Variants in RNF6 observed in about 807,000 individuals in gnomAD.
RNF6 encodes E3 ubiquitin-protein ligase RNF6.
Under a neutral mutation model 50.1 loss-of-function variants are expected in RNF6, and 21 were observed. The observed-to-expected ratio is 0.42, with a 90% confidence interval of 0.30 to 0.60. The LOEUF (loss-of-function observed/expected upper bound fraction) is 0.60, where lower values mean the gene tolerates loss of function less well. RNF6 is among the 20% of genes least tolerant of loss of function. RNF6 has a pLI of 0.20. For missense variants in RNF6, 698 were observed against 838.2 expected (o/e 0.83, Z 2.07); for synonymous variants, 255 against 291.8 (o/e 0.87, Z 1.29).
chr13:26,148,772 C>T (rs576630998), intron 5 of RNF6, among the ~76,000 whole-genome samples: 1 of 148,336 alleles, frequency 6.7e-6, no homozygotes, highest in Non-Finnish European at 1.5e-5. Context: ...GCTGGCAAAT[C>T]CCCAGATCTG....
chr13:26,165,079 C>T (rs965740145), intron 5 of RNF6, among the ~76,000 whole-genome samples: 2 of 152,138 alleles, frequency 1.3e-5, no homozygotes, highest in Admixed American at 1.3e-4. Context: ...AAAGTGGTTT[C>T]GTGAGCCAGG....
At chr13:26,149,383 T>C (rs1284551216) in intron 5 of RNF6, among the ~76,000 whole-genome samples, 1 of 152,008 alleles carries the variant, frequency 6.6e-6, no homozygotes, top group Non-Finnish European at 1.5e-5. Context: ...GTCAGGAGAT[T>C]GAGACCATCC....
At chr13:26,133,419 A>C (rs1249285635) in intron 5 of RNF6, among the ~76,000 whole-genome samples, 1 of 152,068 alleles carries the variant, frequency 6.6e-6, no homozygotes, top group Non-Finnish European at 1.5e-5. Flanking sequence ...TTTCTGGCCT[A>C]TTCTCTCTCT....
At chr13:26,148,680 T>A (rs1174696886) in intron 5 of RNF6, among the ~76,000 whole-genome samples, 2 of 95,212 alleles carry the variant, frequency 2.1e-5, no homozygotes, top group Non-Finnish European at 4.3e-5. Flanking sequence ...ATGAGGGAGA[T>A]ATATATGTGT....
At chr13:26,149,877 T>C (rs1871464025) in intron 5 of RNF6, among the ~76,000 whole-genome samples, 1 of 76,338 alleles carries the variant, frequency 1.3e-5, no homozygotes, top group Non-Finnish European at 2.7e-5. Flanking sequence ...TGTGTATATA[T>C]ATATATATAT....
chr13:26,175,447 C>A (rs539710423), intron 5 of RNF6, among the ~76,000 whole-genome samples: 3 of 152,236 alleles, frequency 2.0e-5, no homozygotes, highest in African/African-American at 4.8e-5. Flanking sequence ...CCCCCATGAC[C>A]CCAGGCACAC....
At chr13:26,220,449 C>T (rs1024409580) in intron 2 of RNF6, among the ~76,000 whole-genome samples, 6 of 152,184 alleles carry the variant, frequency 3.9e-5, no homozygotes, top group African/African-American at 9.6e-5. Flanking sequence ...TTAAGTGTCA[C>T]TCCTGAGAAG....
intron 5 of RNF6, among the ~76,000 whole-genome samples, chr13:26,180,950 C>T (rs1239127113): frequency 2.0e-5 from 3 of 152,208 alleles, no homozygotes; most frequent in African/African-American, 4.8e-5. Flanking sequence ...TTCCTGTAGT[C>T]GGAGATGTTC....
At position 26,137,070 on chromosome 13, in the gene RNF6, C is replaced by T. The variant is rs115523392; in HGVS notation, n.769-4619G>A. On this transcript the variant is annotated intron_variant and non_coding_transcript_variant, in intron 5 of 5. Transcript: ENST00000468480. ...AAGCTAAACAAAGCTACAGCTCCTTCGAAAATCCTCATTCCCAAAGATCCA... is the reference window on the plus strand; with the variant it reads ...AAGCTAAACAAAGCTACAGCTCCTTTGAAAATCCTCATTCCCAAAGATCCA... 8.2e-3 allele frequency among the ~76,000 whole-genome samples: 1,255 copies of T among 152,244 alleles called. 12 individuals carry two copies. The highest frequency in any genetic ancestry group is 0.028 in the African/African-American group (1,182 of 41,530).
Position 26,163,995 on chromosome 13 carries a change from G to A in RNF6, n.769-31544C>T, listed in dbSNP as rs9553757. Among the ~76,000 whole-genome samples, 8 of 152,242 alleles carry A rather than the reference G, an allele frequency of 5.3e-5. No individual in the cohort carries two copies. The East Asian group carries it at 1.5e-3, about 29-fold the overall frequency. ...TAGTATGAAAAGAGCTATAGTAGCT[G>A]TCACAAAAATAGGATACCCTAAATA... On this transcript the variant is annotated intron_variant and non_coding_transcript_variant, in intron 5 of 5. Coordinates refer to the RNF6 transcript ENST00000468480.
intron 1 of RNF6, 91 bp from the exon 2 acceptor site, chr13:26,221,421 C>G (rs971847367): frequency 2.6e-5 from 4 of 152,166 alleles, no homozygotes; most frequent in African/African-American, 4.8e-5. Context: ...GCTGCAAAGC[C>G]AAAGCAAATT....
At chr13:26,155,641 G>C (rs1871879285) in intron 5 of RNF6, among the ~76,000 whole-genome samples, 1 of 152,216 alleles carries the variant, frequency 6.6e-6, no homozygotes, top group African/African-American at 2.4e-5. Context: ...CACCGCTGCT[G>C]GACGGGCAAT....
intron 5 of RNF6, among the ~76,000 whole-genome samples, chr13:26,192,090 G>A (rs762672020): frequency 1.3e-5 from 2 of 152,192 alleles, no homozygotes; most frequent in Non-Finnish European, 2.9e-5. Flanking sequence ...AGAGATAGCC[G>A]GGGATGAGAT....
intron 5 of RNF6, among the ~76,000 whole-genome samples, chr13:26,159,260 G>A (rs980423875): frequency 1.1e-4 from 16 of 152,186 alleles, no homozygotes; most frequent in African/African-American, 2.9e-4. Flanking sequence ...ATAGAAGATC[G>A]AAATTAGATT....
At chr13:26,150,018 A>G (rs1216061886) in intron 5 of RNF6, among the ~76,000 whole-genome samples, 2 of 105,982 alleles carry the variant, frequency 1.9e-5, no homozygotes, top group Admixed American at 1.0e-4. Context: ...TATAATGTGT[A>G]TATATATATA....
intron 5 of RNF6, among the ~76,000 whole-genome samples, chr13:26,172,771 C>T (rs1208673980): frequency 6.6e-6 from 1 of 152,144 alleles, no homozygotes; most frequent in African/African-American, 2.4e-5. Flanking sequence ...TCTCGATCTC[C>T]TGACCTCGTG....
exon 6 of RNF6, chr13:26,132,450 G>A (rs1232326008): frequency 2.2e-6 from 1 of 459,584 alleles, no homozygotes; most frequent in Non-Finnish European, 4.4e-6. Context: ...ATCTGGCAAA[G>A]CCTACAAAAT....
chr13:26,157,907 G>T (rs1479445909), intron 5 of RNF6, among the ~76,000 whole-genome samples: 1 of 148,864 alleles, frequency 6.7e-6, no homozygotes, highest in Non-Finnish European at 1.5e-5. Flanking sequence ...TGGATGGATG[G>T]ATGGATGGAT....
chr13:26,169,153 AT>A, intron 5 of RNF6, among the ~76,000 whole-genome samples: 1 of 152,082 alleles, frequency 6.6e-6, no homozygotes, highest in East Asian at 1.9e-4. Context: ...TGGCCAGGTG[AT>A]GGGGGCTGGT....
Sources: gnomAD v4.1 joint callset for allele counts (sites outside exome capture counted in the v4.1 genomes callset) on GRCh38, gnomAD v4.1.1 for gene constraint, MANE v1.5 for transcripts, NCBI Gene and HGNC (gene_info 2026-07-23, HGNC 2026-07-21) for gene names.